The following GABRB1 variants were observed in gnomAD, a reference collection of about 807,000 sequenced individuals.
GABRB1 encodes the protein gamma-aminobutyric acid receptor subunit beta-1.
GABRB1 carries 17 observed loss-of-function variants against 51.6 expected under a neutral mutation model. That is an observed-to-expected ratio of 0.33 (90% CI 0.23 to 0.49). The LOEUF is 0.49. GABRB1 is among the 20% of genes least tolerant of loss of function. The probability of loss-of-function intolerance (pLI) is 0.99; values close to 1 mark genes in which losing one functional copy is unlikely to be tolerated. For missense variants in GABRB1, 410 were observed against 600.6 expected (o/e 0.68, Z 3.32); for synonymous variants, 247 against 218.9 (o/e 1.13, Z -1.14).
Position 47,385,227 on chromosome 4 carries a change from A to C in GABRB1, c.545-18091A>C, listed in dbSNP as rs564510191. Among the ~76,000 whole-genome samples the C allele has an allele frequency of 6.6e-5, 10 of 152,334 alleles. No homozygotes were observed. The South Asian group carries it at 2.1e-3, about 32-fold the overall frequency. On this transcript the variant is annotated intron_variant, in intron 5 of 8. Coordinates refer to ENST00000295454, the MANE Select transcript of GABRB1 (RefSeq NM_000812.4). ...TCCTCTCTATTCCATGATAACAATA[A>C]TAAGTCAAGGTTGTCTGAATTTTGA...
chr4:47,339,823 G>GCACACACACACACACACGCACACA (rs1553876429), intron 5 of GABRB1, among the ~76,000 whole-genome samples: 3 of 141,976 alleles, frequency 2.1e-5, no homozygotes, highest in African/African-American at 7.7e-5. Flanking sequence ...ATAAATAAAT[G>GCACACACACACACACACGCACACA]CACACACACA....
intron 4 of GABRB1, among the ~76,000 whole-genome samples, chr4:47,295,167 G>A (rs1211586901): frequency 1.3e-5 from 2 of 152,188 alleles, no homozygotes; most frequent in African/African-American, 4.8e-5. Flanking sequence ...AAAAAACGGA[G>A]CAGAAAAACT....
At chr4:47,352,549 A>T (rs1726391658) in intron 5 of GABRB1, among the ~76,000 whole-genome samples, 1 of 152,188 alleles carries the variant, frequency 6.6e-6, no homozygotes, top group Non-Finnish European at 1.5e-5. Context: ...CCAGCAGCAC[A>T]TCAAAAAGCT....
At chr4:47,312,234 T>A (rs1724718916) in intron 4 of GABRB1, among the ~76,000 whole-genome samples, 1 of 152,162 alleles carries the variant, frequency 6.6e-6, no homozygotes, top group Non-Finnish European at 1.5e-5. Flanking sequence ...CCTAAATTCC[T>A]CTTAAATCTC....
upstream of GABRB1, among the ~76,000 whole-genome samples, chr4:47,027,427 T>C (rs1434455622): frequency 6.6e-6 from 1 of 151,624 alleles, no homozygotes; most frequent in Non-Finnish European, 1.5e-5. Flanking sequence ...AGTTTTATCC[T>C]CAAAGGTCCA....
At chr4:47,354,156 G>A (rs866391312) in intron 5 of GABRB1, among the ~76,000 whole-genome samples, 65 of 152,274 alleles carry the variant, frequency 4.3e-4, no homozygotes, top group African/African-American at 1.4e-3. Context: ...GGAGAAATAC[G>A]TAGCACAGGG....
At chr4:47,042,203 T>C (rs1290869715) in intron 3 of GABRB1, among the ~76,000 whole-genome samples, 1 of 151,626 alleles carries the variant, frequency 6.6e-6, no homozygotes, top group Admixed American at 6.6e-5. Flanking sequence ...ATATAGCATT[T>C]ACATTTTTAA....
At chr4:47,043,983 T>C (rs946869327) in intron 3 of GABRB1, among the ~76,000 whole-genome samples, 26 of 152,244 alleles carry the variant, frequency 1.7e-4, no homozygotes, top group African/African-American at 6.0e-4. Context: ...AAGAAGAAGC[T>C]GGAGTTATTT....
At chr4:47,129,018 T>C (rs1287321879) in intron 3 of GABRB1, among the ~76,000 whole-genome samples, 1 of 152,064 alleles carries the variant, frequency 6.6e-6, no homozygotes, top group Non-Finnish European at 1.5e-5. Context: ...ATCAGCAATA[T>C]ATACATGTTT....
At chr4:47,184,947 G>A (rs541899774) in intron 4 of GABRB1, among the ~76,000 whole-genome samples, 147 of 151,842 alleles carry the variant, frequency 9.7e-4, no homozygotes, top group African/African-American at 3.4e-3. Flanking sequence ...TCTACAAAAC[G>A]ATTACTTTGC....
At chr4:47,054,055 T>TA (rs891921872) in intron 3 of GABRB1, among the ~76,000 whole-genome samples, 307 of 147,696 alleles carry the variant, frequency 2.1e-3, no homozygotes, top group Middle Eastern at 0.01. Flanking sequence ...TTGACTTTTT[T>TA]AAAAAAAAAA....
intron 3 of GABRB1, among the ~76,000 whole-genome samples, chr4:47,138,985 G>GTAAC (rs1456511879): frequency 4.6e-5 from 7 of 152,034 alleles, no homozygotes; most frequent in African/African-American, 1.4e-4. Context: ...GGATGAAAGT[G>GTAAC]TAACTGTAAT....
At chr4:47,337,064 T>C (rs901056675) in intron 5 of GABRB1, among the ~76,000 whole-genome samples, 1 of 152,162 alleles carries the variant, frequency 6.6e-6, no homozygotes, top group Non-Finnish European at 1.5e-5. Context: ...TAACCTTGGA[T>C]TGGCAGATGA....
chr4:47,017,835 T>G (rs1432479259), intron 1 of GABRB1, among the ~76,000 whole-genome samples: 3 of 152,190 alleles, frequency 2.0e-5, no homozygotes, highest in Non-Finnish European at 4.4e-5. Flanking sequence ...TAAGGAGAAG[T>G]TCAGAATATG....
At position 47,414,692 on chromosome 4, in the gene GABRB1, G is replaced by A. The variant is rs146041286; in HGVS notation, c.1080+7766G>A. On this transcript the variant is annotated intron_variant, in intron 8 of 8. Coordinates refer to ENST00000295454, the MANE Select transcript of GABRB1 (RefSeq NM_000812.4). ...CCTCTTAAAATCAGATATTAGTATT[G>A]TGATCTGGCCTCTTCTCTCCCATTC... Among the ~76,000 whole-genome samples, 124 of 152,168 alleles carry A rather than the reference G, an allele frequency of 8.1e-4. 2 individuals are homozygous for A. The East Asian group carries it at 0.021, about 25-fold the overall frequency.
chr4:47,332,315 T>A (rs140117177), intron 5 of GABRB1, among the ~76,000 whole-genome samples: 128 of 152,298 alleles, frequency 8.4e-4, no homozygotes, highest in African/African-American at 2.8e-3. Context: ...GGTGCTACAG[T>A]TTCAAAGTCC....
intron 5 of GABRB1, among the ~76,000 whole-genome samples, chr4:47,363,149 T>C (rs751657442): frequency 2.4e-4 from 36 of 152,144 alleles, no homozygotes; most frequent in Non-Finnish European, 4.7e-4. Flanking sequence ...GAGATTACAA[T>C]GTGCCAGGTA....
At chr4:47,078,380 A>G (rs193230722) in intron 3 of GABRB1, among the ~76,000 whole-genome samples, 4 of 152,164 alleles carry the variant, frequency 2.6e-5, no homozygotes, top group African/African-American at 7.2e-5. Context: ...TTTCTCCTTT[A>G]TATGTTTCAC....
intron 4 of GABRB1, among the ~76,000 whole-genome samples, chr4:47,203,308 A>G (rs1288651418): frequency 6.6e-6 from 1 of 152,134 alleles, no homozygotes; most frequent in Admixed American, 6.6e-5. Context: ...CCATCTTGTA[A>G]GGAGTCGTTC....
Sources: allele counts gnomAD v4.1 joint callset (sites outside exome capture counted in the v4.1 genomes callset), GRCh38; gene constraint gnomAD v4.1.1; transcripts MANE v1.5; gene names NCBI Gene and HGNC (gene_info 2026-07-23, HGNC 2026-07-21).